The following RTL4 variants were observed in gnomAD, a reference collection of about 807,000 sequenced individuals.
RTL4 encodes the protein retrotransposon Gag like 4, also known as retrotransposon Gag-like protein 4.
In RTL4, 4 loss-of-function variants were observed where a neutral mutation model predicts 5.3. The ratio of observed to expected loss-of-function variants is 0.75; its 90% CI spans 0.37 to 1.72. RTL4 has a LOEUF of 1.72. Ranked by LOEUF, RTL4 falls within the 40% of genes most tolerant of loss-of-function variation. The pLI is 0.04. For synonymous variants in RTL4, 98 were observed against 87.3 expected (o/e 1.12, Z -0.68); for missense variants, 260 against 227.1 (o/e 1.14, Z -0.93).
the RTL4 span, among the ~76,000 whole-genome samples, chrX:112,087,958 A>G: frequency 9.1e-6 from 1 of 110,483 alleles, no homozygotes; most frequent in African/African-American, 3.3e-5. Flanking sequence ...TATATTCACA[A>G]TGTTGTGCAA....
the RTL4 span, among the ~76,000 whole-genome samples, chrX:112,156,719 C>G: frequency 1.8e-5 from 2 of 111,717 alleles, no homozygotes; most frequent in Non-Finnish European, 3.8e-5. Flanking sequence ...CACTGCTTGT[C>G]ATTATGACTT....
At chrX:112,186,785 C>A in the RTL4 span, among the ~76,000 whole-genome samples, 3 of 111,829 alleles carry the variant, frequency 2.7e-5, no homozygotes, top group African/African-American at 9.8e-5. Flanking sequence ...AACAGAAGTA[C>A]CTGCCTTTAC....
chrX:112,238,205 T>A, the RTL4 span, among the ~76,000 whole-genome samples: 1 of 112,198 alleles, frequency 8.9e-6, no homozygotes, highest in Non-Finnish European at 1.9e-5. Flanking sequence ...CAGCTCAGTC[T>A]CCTACCCCTC....
At chrX:112,250,348 GTTTTGTTTTGTTTTGT>G in the RTL4 span, among the ~76,000 whole-genome samples, 1 of 111,179 alleles carries the variant, frequency 9.0e-6, no homozygotes, top group Non-Finnish European at 1.9e-5. Context: ...TTAGTTTTTT[GTTTTGTTTTGTTTTGT>G]TTTTGTTTTG....
the RTL4 span, among the ~76,000 whole-genome samples, chrX:112,185,649 G>GCA: frequency 2.0e-5 from 2 of 102,134 alleles, no homozygotes; most frequent in Non-Finnish European, 4.0e-5. Context: ...ACACACACAC[G>GCA]CACACACACA....
At chrX:112,174,703 G>A in the RTL4 span, among the ~76,000 whole-genome samples, 2 of 83,567 alleles carry the variant, frequency 2.4e-5, no homozygotes, top group Non-Finnish European at 4.7e-5. Context: ...CACCAACAGT[G>A]TAAAAGTGTT....
At chrX:112,291,367 TACACACACAC>T in the RTL4 span, among the ~76,000 whole-genome samples, 2,495 of 95,359 alleles carry the variant, frequency 0.026, 59 homozygotes, top group African/African-American at 0.081. Context: ...TGTATGTTTG[TACACACACAC>T]ACACACACAC....
the RTL4 span, among the ~76,000 whole-genome samples, chrX:112,276,833 TA>T: frequency 8.0e-5 from 9 of 111,919 alleles, no homozygotes; most frequent in East Asian, 5.6e-4. Flanking sequence ...CAGATAATAG[TA>T]AAAAAAATTA....
chrX:112,157,064 T>TTGTG, the RTL4 span, among the ~76,000 whole-genome samples: 7,576 of 96,510 alleles, frequency 0.078, 259 homozygotes, highest in Non-Finnish European at 0.093. Flanking sequence ...GTTATACTGT[T>TTGTG]TGTGTGTGTG....
At chrX:112,171,164 T>A in the RTL4 span, among the ~76,000 whole-genome samples, 1 of 111,308 alleles carries the variant, frequency 9.0e-6, no homozygotes, top group African/African-American at 3.3e-5. Context: ...TTTATTGAGG[T>A]TTTTTTTGCA....
At chrX:112,327,365 G>A in the RTL4 span, among the ~76,000 whole-genome samples, 3 of 112,346 alleles carry the variant, frequency 2.7e-5, no homozygotes, top group Non-Finnish European at 5.6e-5. Context: ...GAATGCAGAA[G>A]CTTCAGGACC....
the RTL4 span, among the ~76,000 whole-genome samples, chrX:112,197,969 T>G: frequency 9.0e-6 from 1 of 111,432 alleles, no homozygotes. Flanking sequence ...AGCTAATCTC[T>G]AACTGCTTTT....
chrX:112,110,799 A>G, the RTL4 span, among the ~76,000 whole-genome samples: 2 of 111,999 alleles, frequency 1.8e-5, no homozygotes, highest in East Asian at 5.6e-4. Flanking sequence ...CTTATCACTT[A>G]TTGAATACCC....
chrX:112,378,056 G>A, the RTL4 span, among the ~76,000 whole-genome samples: 832 of 111,354 alleles, frequency 7.5e-3, 8 homozygotes, highest in Non-Finnish European at 0.011. Context: ...TGCAGATGCG[G>A]TACATCTGGA....
At position 112,455,243 on chromosome X, in the gene RTL4, A is replaced by T. The variant is rs1926817828; in HGVS notation, c.515A>T (p.Asn172Ile). ...GCTACTTTCCACCTCCTCGCTCAAA[A>T]TCTGATCTGTAATGAAACCAATCAG... is the stretch of plus-strand genomic sequence containing the variant. The change falls in exon 1 of 1, where the codon AAT becomes ATT. Residue 172 changes from asparagine (N) to isoleucine (I), a missense_variant. Physicochemically the swap from Asn to Ile is moderately radical, Grantham distance 149 (BLOSUM62 -3). Coordinates refer to ENST00000340433, the Ensembl canonical transcript of RTL4. 8.3e-7 allele frequency: 1 copy of T among 1,211,342 alleles called. No individual in the cohort carries two copies. Among genetic ancestry groups the T allele is most frequent in the African/African-American group, 1.7e-5 (1 of 57,770 alleles).
the RTL4 span, among the ~76,000 whole-genome samples, chrX:112,112,850 G>A: frequency 8.9e-6 from 1 of 111,756 alleles, no homozygotes; most frequent in East Asian, 2.8e-4. Context: ...GAAACTGGGA[G>A]TCAGAGTGCA....
At chrX:112,174,225 TC>T in the RTL4 span, among the ~76,000 whole-genome samples, 3 of 55,242 alleles carry the variant, frequency 5.4e-5, no homozygotes, top group East Asian at 7.2e-4. Flanking sequence ...ATGCTATCCC[TC>T]CCCCCTCCCC....
the RTL4 span, among the ~76,000 whole-genome samples, chrX:112,325,861 C>T: frequency 4.5e-5 from 5 of 111,785 alleles, no homozygotes; most frequent in South Asian, 3.7e-4. Flanking sequence ...AGAGTGAACA[C>T]GCAACCTACA....
chrX:112,085,709 C>T, the RTL4 span, among the ~76,000 whole-genome samples: 2 of 111,694 alleles, frequency 1.8e-5, no homozygotes, highest in African/African-American at 6.5e-5. Context: ...AAAATTATCC[C>T]CTCACCATAT....
Sources: gnomAD v4.1 joint callset for allele counts (sites outside exome capture counted in the v4.1 genomes callset) on GRCh38, gnomAD v4.1.1 for gene constraint, MANE v1.5 for transcripts, NCBI Gene and HGNC (gene_info 2026-07-23, HGNC 2026-07-21) for gene names.